Variants in ZNF827 observed in about 807,000 individuals in gnomAD.
ZNF827 encodes zinc finger protein 827.
ZNF827 carries 13 observed loss-of-function variants against 102.4 expected under a neutral mutation model. The observed-to-expected ratio is 0.13, with a 90% CI of 0.08 to 0.20. The LOEUF is 0.20. Ranked by LOEUF, ZNF827 falls within the 10% of genes least tolerant of loss-of-function variation. The probability of loss-of-function intolerance (pLI) is 1.00; values close to 1 mark genes in which losing one functional copy is unlikely to be tolerated. For synonymous variants in ZNF827, 523 were observed against 536.2 expected (o/e 0.98, Z 0.34); for missense variants, 1,103 against 1,344.4 (o/e 0.82, Z 2.81).
intron 1 of ZNF827, among the ~76,000 whole-genome samples, chr4:145,923,294 C>T (rs907545001): frequency 1.2e-4 from 18 of 152,006 alleles, no homozygotes; most frequent in Admixed American, 1.0e-3. Context: ...TCAGATATGC[C>T]ATCCAAAACA....
chr4:145,862,975 G>C (rs1747873975), intron 5 of ZNF827, among the ~76,000 whole-genome samples: 1 of 152,112 alleles, frequency 6.6e-6, no homozygotes, highest in Non-Finnish European at 1.5e-5. Context: ...AGAACTGGGA[G>C]GAAATATTTG....
chr4:145,839,992 C>G (rs181936261), intron 7 of ZNF827, among the ~76,000 whole-genome samples: 1 of 151,728 alleles, frequency 6.6e-6, no homozygotes, highest in African/African-American at 2.4e-5. Context: ...ATAGATGTCA[C>G]GAAGGGAGGA....
intron 1 of ZNF827, among the ~76,000 whole-genome samples, chr4:145,917,714 A>AAAAG (rs1752762212): frequency 6.8e-6 from 1 of 147,170 alleles, no homozygotes; most frequent in Non-Finnish European, 1.5e-5. Context: ...AAAAAAAAAA[A>AAAAG]AAAAAAAAAA....
chr4:145,781,718 C>CA (rs1203484121), intron 8 of ZNF827, among the ~76,000 whole-genome samples: 1 of 152,190 alleles, frequency 6.6e-6, no homozygotes, highest in Non-Finnish European at 1.5e-5. Flanking sequence ...ACGCAGTGGG[C>CA]ATTTCAGCTG....
Position 145,938,667 on chromosome 4 carries a change from C to A in ZNF827, c.-260G>T, listed in dbSNP as rs1754412012. On this transcript the variant is annotated 5_prime_UTR_variant, in exon 1 of 15. Transcript: ENST00000508784. ...TTTTTGGTCGTGCACCTGGCTTGTC[C>A]CCGAGCGTAATATTCTTCAATGGAA... 1 of 513,150 alleles carries A rather than the reference C, an allele frequency of 1.9e-6. No homozygotes were observed. The allele number at this position is 513,150 out of a possible 1,614,324, so 31.8% of individuals were successfully genotyped here. A position where few individuals can be genotyped will look rare whatever the true frequency, so the allele number is the denominator to read the frequency against.
rs143930317 is a variant in ZNF827 at position 145,864,182 on chromosome 4, CCACA to C, written c.1981+6059_1981+6062del. On this transcript the variant is annotated intron_variant, in intron 5 of 14. Transcript: ENST00000508784. ...CTCTGTCTCTCTCATACACAACCTCCCACACACACACACACGCATACATACACAG... is the reference window on the plus strand; with the variant it reads ...CTCTGTCTCTCTCATACACAACCTCCCACACACACACGCATACATACACAG... Among the ~76,000 whole-genome samples the C allele has an allele frequency of 8.0e-3, 1,209 of 150,666 alleles. 19 individuals carry two copies. The highest frequency in any genetic ancestry group is 0.027 in the African/African-American group (1,109 of 41,044).
intron 5 of ZNF827, among the ~76,000 whole-genome samples, chr4:145,852,042 A>G (rs1246958746): frequency 6.6e-6 from 1 of 152,202 alleles, no homozygotes; most frequent in Non-Finnish European, 1.5e-5. Context: ...GAAAATAAAC[A>G]GTGGGGTCAG....
At chr4:145,853,382 C>T (rs1210268590) in intron 5 of ZNF827, among the ~76,000 whole-genome samples, 2 of 152,142 alleles carry the variant, frequency 1.3e-5, no homozygotes, top group Non-Finnish European at 2.9e-5. Context: ...GAATCTCTTC[C>T]CAAAATAATA....
At chr4:145,770,607 TAATG>T (rs1198850124) in intron 11 of ZNF827, among the ~76,000 whole-genome samples, 1 of 151,868 alleles carries the variant, frequency 6.6e-6, no homozygotes, top group Non-Finnish European at 1.5e-5. Flanking sequence ...AATATAATAA[TAATG>T]ATAACTAATA....
In ZNF827 at chr4:145,774,724, T is replaced by C. The variant is rs757172959; in HGVS notation, c.2694-52A>G. On this transcript the variant is annotated intron_variant, in intron 10 of 14. Coordinates refer to ENST00000508784, the MANE Select transcript of ZNF827 (RefSeq NM_001306215.2). Reference sequence around the variant, plus strand: ...GGGGAGAGAAAAGGGTGACACATACTTCTAAATGTAGGCTGTCCATTTATA... The same window carrying C: ...GGGGAGAGAAAAGGGTGACACATACCTCTAAATGTAGGCTGTCCATTTATA... 8 of 1,577,302 alleles carry C rather than the reference T, an allele frequency of 5.1e-6. No individual in the cohort carries two copies. In the East Asian group the frequency reaches 1.8e-4, roughly 36 times the overall value.
chr4:145,911,407 G>A (rs779777973), intron 1 of ZNF827, among the ~76,000 whole-genome samples: 1 of 152,172 alleles, frequency 6.6e-6, no homozygotes, highest in Non-Finnish European at 1.5e-5. Context: ...GTAGAAGCAA[G>A]AATGTATAAA....
At chr4:145,876,572 C>G (rs1226753095) in intron 4 of ZNF827, 2 of 152,152 alleles carry the variant, frequency 1.3e-5, no homozygotes, top group Non-Finnish European at 2.9e-5. Context: ...CAAGTATTTA[C>G]CTGTATTAAT....
intron 4 of ZNF827, among the ~76,000 whole-genome samples, chr4:145,876,189 A>G (rs1749132167): frequency 6.6e-6 from 1 of 152,210 alleles, no homozygotes; most frequent in Non-Finnish European, 1.5e-5. Flanking sequence ...GAGCCTATAA[A>G]CATACTTTAA....
intron 2 of ZNF827, 26 bp from the exon 3 acceptor site, chr4:145,892,441 C>T (rs1750674781): frequency 6.3e-7 from 1 of 1,588,454 alleles, no homozygotes; most frequent in Non-Finnish European, 8.6e-7. Flanking sequence ...AAGAAAGGAC[C>T]ATTAAGGAAA....
intron 4 of ZNF827, chr4:145,870,737 C>CAAA (rs1281394110): frequency 2.7e-6 from 1 of 364,304 alleles, no homozygotes; most frequent in Non-Finnish European, 5.0e-6. Context: ...AGTTTCTGGG[C>CAAA]ATTTTCTCTT....
chr4:145,796,407 G>A (rs1242907625), intron 8 of ZNF827, among the ~76,000 whole-genome samples: 1 of 152,126 alleles, frequency 6.6e-6, no homozygotes, highest in Admixed American at 6.6e-5. Context: ...GCAAGGAGCA[G>A]TGAATTGTTG....
Position 145,760,599 on chromosome 4 carries a change from T to C in ZNF827, c.*1017A>G, listed in dbSNP as rs1378392038. On this transcript the variant is annotated 3_prime_UTR_variant, in exon 15 of 15. Transcript: ENST00000508784. Reference sequence around the variant, plus strand: ...AGCTTTCAGGTCAATGCAATAGGTATACACACAGAGCCAATTTTCTATTCC... The same window carrying C: ...AGCTTTCAGGTCAATGCAATAGGTACACACACAGAGCCAATTTTCTATTCC... 1 of 237,074 alleles carries C rather than the reference T, an allele frequency of 4.2e-6. No homozygotes were observed. Among genetic ancestry groups the C allele is most frequent in the Non-Finnish European group, 7.4e-6 (1 of 134,812 alleles). 14.7% of individuals were successfully genotyped at this position (237,074 alleles called of 1,614,324 possible). A position where few individuals can be genotyped will look rare whatever the true frequency, so the allele number is the denominator to read the frequency against.
chr4:145,804,262 T>C (rs1741191965), intron 8 of ZNF827, among the ~76,000 whole-genome samples: 1 of 152,242 alleles, frequency 6.6e-6, no homozygotes, highest in East Asian at 1.9e-4. Context: ...CAGAGGAAAC[T>C]GTAATTTGGA....
Position 145,760,563 on chromosome 4 carries a change from T to C in ZNF827, c.*1053A>G, listed in dbSNP as rs183375025. The C allele has an allele frequency of 3.6e-3, 601 of 167,164 alleles. 5 individuals carry two copies. Among genetic ancestry groups the C allele is most frequent in the Non-Finnish European group, 4.2e-3 (339 of 80,190 alleles). 10.4% of individuals were successfully genotyped at this position (167,164 alleles called of 1,614,324 possible). A position where few individuals can be genotyped will look rare whatever the true frequency, so the allele number is the denominator to read the frequency against. On this transcript the variant is annotated 3_prime_UTR_variant, in exon 15 of 15. Transcript: ENST00000508784. ...ATGCAGTAGGTCACCTCTCTGAAGATTGGATAAAGCAGCTTTCAGGTCAAT... is the reference window on the plus strand; with the variant it reads ...ATGCAGTAGGTCACCTCTCTGAAGACTGGATAAAGCAGCTTTCAGGTCAAT...
Sources: gnomAD v4.1 joint callset for allele counts (sites outside exome capture counted in the v4.1 genomes callset) on GRCh38, gnomAD v4.1.1 for gene constraint, MANE v1.5 for transcripts, NCBI Gene and HGNC (gene_info 2026-07-23, HGNC 2026-07-21) for gene names.